Variants in PITPNM1 observed in about 807,000 individuals in gnomAD.
PITPNM1 encodes the protein phosphatidylinositol transfer protein membrane associated 1.
Under a neutral mutation model 133.3 loss-of-function variants are expected in PITPNM1, and 74 were observed. That is an observed-to-expected ratio of 0.56 (90% CI 0.46 to 0.67). The LOEUF is 0.67. PITPNM1 is among the 30% of genes least tolerant of loss of function. PITPNM1 has a pLI of 0.00. For synonymous variants in PITPNM1, 738 were observed against 741.4 expected, an observed-to-expected ratio of 1.00 and a Z score of 0.08; for missense variants, 1,398 against 1,739.5, an observed-to-expected ratio of 0.80 and a Z score of 3.49.
At chr11:67,493,329 G>A (rs879575797) in intron 22 of PITPNM1, 81 bp downstream of exon 22, 19 of 1,372,114 alleles carry the variant, frequency 1.4e-5, no homozygotes, top group Non-Finnish European at 1.7e-5. Context: ...GGGAACAGAT[G>A]GGCCTCCGCC....
intron 5 of PITPNM1, among the ~76,000 whole-genome samples, 189 bp from the exon 6 acceptor site, chr11:67,500,610 T>TC (rs1259722105): frequency 5.3e-5 from 8 of 151,872 alleles, no homozygotes; most frequent in South Asian, 2.1e-4. Context: ...CCTGCCTGAC[T>TC]CCCCCCCGCC....
rs755515846 is a variant in PITPNM1, at chr11:67,500,298, C to T, written c.764G>A (p.Arg255His). The T allele has an allele frequency of 8.7e-6, 14 of 1,610,946 alleles. No homozygotes were observed. The highest frequency in any genetic ancestry group is 1.1e-5 in the South Asian group (1 of 91,094). The change falls in exon 6 of 24, where the codon CGC becomes CAC. Residue 255 changes from arginine (R) to histidine (H), a missense_variant. By Grantham distance (29) the Arg-to-His change is conservative. This residue lies in a region of PITPNM1 where 274 missense variants were observed against 360.7 expected (regional missense o/e 0.76). Transcript: ENST00000356404. ...ACTGCCTGTGTTGCACTTGGCCATG[C>T]GCTGGGCCAGCATGCGAGCAGTCTC... ...EEETARMLAQ[R>H]MAKCNTGSEG...
Position 67,498,487 on chromosome 11 carries a change from A to G in PITPNM1, c.1484+109T>C. 6.7e-7 allele frequency: 1 copy of G among 1,496,928 alleles called. No homozygotes were observed. The highest frequency in any genetic ancestry group is 9.0e-7 in the Non-Finnish European group (1 of 1,111,306). 92.7% of individuals were successfully genotyped at this position (1,496,928 alleles called of 1,614,324 possible). A position where few individuals can be genotyped will look rare whatever the true frequency, so the allele number is the denominator to read the frequency against. On this transcript the variant is annotated intron_variant, in intron 10 of 23. Coordinates refer to ENST00000356404, the MANE Select transcript of PITPNM1 (RefSeq NM_004910.3). The surrounding 1 kb of genome is among the most constrained non-coding windows in gnomAD (Gnocchi z 5.7). ...GCCATTCTCCAGAACAGGTCCAGCC[A>G]TGCCAGTGACCGACCCAGGTGTCTG...
Position 67,491,892 on chromosome 11 carries a change from A to G in PITPNM1, c.*141T>C, listed in dbSNP as rs949149391. On this transcript the variant is annotated 3_prime_UTR_variant, in exon 24 of 24. Transcript: ENST00000356404. The stretch of plus-strand genomic sequence containing the variant: ...CTCATATGAAAGGGAAGTAACACCG[A>G]GGAGCACACGGAGATATAGGGTGTG... 1 of 921,124 alleles carries G rather than the reference A, an allele frequency of 1.1e-6. No homozygotes were observed. The allele number at this position is 921,124 out of a possible 1,614,324, so 57.1% of individuals were successfully genotyped here.
chr11:67,494,129 G>A (rs1866028585), intron 19 of PITPNM1, 59 bp from the exon 20 acceptor site: 13 of 1,588,326 alleles, frequency 8.2e-6, no homozygotes, highest in African/African-American at 1.3e-5. Context: ...GGGCAGAGGC[G>A]GGGCTGTCGT....
chr11:67,500,167 C>T lies in PITPNM1; in HGVS notation c.895G>A (p.Ala299Thr). 2 of 1,596,880 alleles carry T rather than the reference C, an allele frequency of 1.3e-6. No homozygotes were observed. Among genetic ancestry groups the T allele is most frequent in the Non-Finnish European group, 1.7e-6 (2 of 1,172,306 alleles). The change falls in exon 6 of 24, where the codon GCC becomes ACC. Residue 299 changes from alanine to threonine, a missense_variant. Physicochemically the swap from Ala to Thr is moderately conservative, Grantham distance 58 (BLOSUM62 0). This residue lies in a region of PITPNM1 where 195 missense variants were observed against 178.8 expected (regional missense o/e 1.09). Transcript: ENST00000356404. ...DGPEAPPGPD[A>T]SPDASFGKQW... ...TTCCCAAAGCTGGCATCGGGGGAGGCATCTGGGCCTGGGGGGGCCTCAGGC... is the reference window on the plus strand; with the variant it reads ...TTCCCAAAGCTGGCATCGGGGGAGGTATCTGGGCCTGGGGGGGCCTCAGGC...
At position 67,498,599 on chromosome 11, in the gene PITPNM1, G is replaced by T; in HGVS notation, c.1481C>A (p.Ser494Tyr). The T allele has an allele frequency of 6.3e-7, 1 of 1,595,518 alleles. No homozygotes were observed. The change falls in exon 10 of 24, where the codon TCC (serine) becomes TAC (tyrosine). Residue 494 changes from serine to tyrosine, a missense_variant. Coordinates refer to ENST00000356404, the MANE Select transcript of PITPNM1 (RefSeq NM_004910.3). The surrounding 1 kb of genome is among the most constrained non-coding windows in gnomAD (Gnocchi z 5.7). ...CCCTTCCACCCGTGGCTAGTACTTGGAGACAAGGGCATAGGCGGCGGCGCA... is the reference window on the plus strand; with the variant it reads ...CCCTTCCACCCGTGGCTAGTACTTGTAGACAAGGGCATAGGCGGCGGCGCA... ...PICAAAYALV[S>Y]NLSPYSHDGD...
Position 67,494,934 on chromosome 11 carries a change from T to G in PITPNM1, c.2654A>C (p.Gln885Pro). 1 of 1,612,774 alleles carries G rather than the reference T, an allele frequency of 6.2e-7. No individual in the cohort carries two copies. The highest frequency in any genetic ancestry group is 2.2e-5 in the East Asian group (1 of 44,860). ...LRQVIEKERPQLAECEEPSIY... is the reference protein window; with the variant it reads ...LRQVIEKERPPLAECEEPSIY... The stretch of plus-strand genomic sequence containing the variant: ...GGACGGCTCCTCGCATTCCGCCAGC[T>G]GTGGCCGCTCCTTCTCGATCACCTG... Residue 885 changes from glutamine (Q) to proline (P), a missense_variant, in exon 18 of 24, where the codon CAG becomes CCG. Physicochemically the swap from Gln to Pro is moderately conservative, Grantham distance 76. Transcript: ENST00000356404.
Position 67,492,162 on chromosome 11 carries a change from G to A in PITPNM1, c.3606C>T (p.Arg1202=), listed in dbSNP as rs752852750. The A allele has an allele frequency of 6.2e-7, 1 of 1,611,614 alleles. No homozygotes were observed. Among genetic ancestry groups the A allele is most frequent in the South Asian group, 1.1e-5 (1 of 91,074 alleles). The change falls in exon 24 of 24, where the codon CGC becomes CGT. Residue 1202 remains arginine (R), a synonymous_variant. Transcript: ENST00000356404. ...YGVAAPVDFL[R]KQSQLLRSRG... is the part of the protein sequence containing the mutation. ...TCGAGCGAAGCAGCTGGCTCTGTTT[G>A]CGCAGGAAGTCCACGGGGGCAGCCA...
rs773083898 is a variant in PITPNM1, at chr11:67,492,210, G to A, written c.3558C>T (p.Ala1186=). ...SHASSGPPRA[A]LGKSSYGVAA... is the part of the protein sequence containing the mutation. Reference sequence around the variant, plus strand: ...CCACACCATAGCTGCTCTTGCCCAAGGCAGCTCTCGGGGGTCCCGAGGAGG... The same window carrying A: ...CCACACCATAGCTGCTCTTGCCCAAAGCAGCTCTCGGGGGTCCCGAGGAGG... The change falls in exon 24 of 24, where the codon GCC becomes GCT. Residue 1186 remains alanine, a synonymous_variant. Coordinates refer to ENST00000356404, the MANE Select transcript of PITPNM1 (RefSeq NM_004910.3). 1.2e-5 allele frequency: 19 copies of A among 1,610,638 alleles called. No individual in the cohort carries two copies. Among genetic ancestry groups the A allele is most frequent in the Non-Finnish European group, 1.5e-5 (18 of 1,179,236 alleles).
chr11:67,496,866 A>C, intron 14 of PITPNM1: 1 of 196,406 alleles, frequency 5.1e-6, no homozygotes. Context: ...TGAACCCAGG[A>C]GGTTGCAGTG....
intron 22 of PITPNM1, 66 bp from the exon 23 acceptor site, chr11:67,493,128 T>A: frequency 1.3e-6 from 2 of 1,589,660 alleles, no homozygotes; most frequent in Non-Finnish European, 1.7e-6. Flanking sequence ...CGGGGCCTGT[T>A]GGGCTTCCCC....
intron 16 of PITPNM1, 90 bp from the exon 17 acceptor site, chr11:67,495,315 C>T: frequency 6.8e-7 from 1 of 1,474,614 alleles, no homozygotes; most frequent in South Asian, 1.4e-5. Context: ...CCCTTTTCAC[C>T]CAGCCTGCTC....
rs767881199 is a variant in PITPNM1 at position 67,496,266 on chromosome 11, C to T, written c.2229G>A (p.Leu743=). The part of the protein sequence containing the change: ...ADPCASRLEP[L]LAPKFQAIAP... ...CGATGGCCTGGAACTTCGGGGCCAGCAGGGGCTCGAGGCGTGAGGCGCAGG... is the reference window on the plus strand; with the variant it reads ...CGATGGCCTGGAACTTCGGGGCCAGTAGGGGCTCGAGGCGTGAGGCGCAGG... The change falls in exon 15 of 24, where the codon CTG becomes CTA. Residue 743 remains leucine (L), a synonymous_variant. Transcript: ENST00000356404. 11 of 1,561,064 alleles carry T rather than the reference C, an allele frequency of 7.0e-6. No homozygotes were observed. The South Asian group carries it at 7.2e-5, about 10-fold the overall frequency.
In PITPNM1 at chr11:67,498,714, G is replaced by C. The variant is rs1398138344; in HGVS notation, c.1366C>G (p.Leu456Val). Residue 456 changes from leucine (L) to valine (V), a missense_variant, in exon 10 of 24, where the codon CTG becomes GTG. Transcript: ENST00000356404. This position sits in a 1 kb window ranked among gnomAD's most constrained non-coding sequence, Gnocchi z 5.7. ...ANSKQADVQT[L>V]SSAFEAVTRI... ...GTGACGGCCTCGAAGGCGGAGCTCAGCGTCTGCACATCCGCCTGCTTGGAG... is the reference window on the plus strand; with the variant it reads ...GTGACGGCCTCGAAGGCGGAGCTCACCGTCTGCACATCCGCCTGCTTGGAG... 6.2e-7 allele frequency: 1 copy of C among 1,608,350 alleles called. No individual in the cohort carries two copies. The highest frequency in any genetic ancestry group is 8.5e-7 in the Non-Finnish European group (1 of 1,179,984).
intron 18 of PITPNM1, 28 bp from the exon 19 acceptor site, chr11:67,494,388 C>T (rs754448228): frequency 7.9e-6 from 12 of 1,518,354 alleles, no homozygotes; most frequent in Middle Eastern, 1.8e-4. Flanking sequence ...CGTGAGTCCG[C>T]GGCCAGCAAA....
chr11:67,495,070 G>C lies in PITPNM1; in HGVS notation c.2631+7C>G, dbSNP rs760981652. On this transcript the variant is annotated splice_region_variant and intron_variant, in intron 17 of 23. Transcript: ENST00000356404. ...TCTCATCTCCCATTCCATATTCCCA[G>C]GCCCACCTGGCGCAGGATGAACGCC... 28 of 1,612,202 alleles carry C rather than the reference G, an allele frequency of 1.7e-5. No homozygotes were observed. Among genetic ancestry groups the C allele is most frequent in the Non-Finnish European group, 8.5e-7 (1 of 1,179,708 alleles).
In PITPNM1 at chr11:67,497,532, A is replaced by G; in HGVS notation, c.1930T>C (p.Ser644Pro). The change falls in exon 13 of 24, where the codon TCT (serine) becomes CCT (proline). Residue 644 changes from serine to proline, a missense_variant. Around this residue, in one of 5 missense-constraint regions of PITPNM1, gnomAD observed 574 missense variants for 698.7 expected, o/e 0.82. Transcript: ENST00000356404. ...SDMASPEPEG[S>P]QNSLQAAPAT... Reference sequence around the variant, plus strand: ...GGGCAGGGACGTCACCTGTTCTGAGAGCCCTCGGGCTCAGGACTGGCCATG... The same window carrying G: ...GGGCAGGGACGTCACCTGTTCTGAGGGCCCTCGGGCTCAGGACTGGCCATG... 6.2e-7 allele frequency: 1 copy of G among 1,608,222 alleles called. No homozygotes were observed. The highest frequency in any genetic ancestry group is 8.5e-7 in the Non-Finnish European group (1 of 1,178,178).
At position 67,496,479 on chromosome 11, in the gene PITPNM1, C is replaced by G. The variant is rs542403652; in HGVS notation, c.2147-131G>C. The G allele has an allele frequency of 3.0e-3, 2,262 of 754,066 alleles. 3 individuals carry two copies. The highest frequency in any genetic ancestry group is 4.3e-3 in the Non-Finnish European group (2,102 of 489,674). The allele number at this position is 754,066 out of a possible 1,614,324, so 46.7% of individuals were successfully genotyped here. A position where few individuals can be genotyped will look rare whatever the true frequency, so the allele number is the denominator to read the frequency against. On this transcript the variant is annotated intron_variant, in intron 14 of 23. Coordinates refer to ENST00000356404, the MANE Select transcript of PITPNM1 (RefSeq NM_004910.3). ...AGCCAGCACTTCCCAAACTGCACTC[C>G]CTGGGAAGTCAGTAGGGCCCTGCTT...
Sources: allele counts gnomAD v4.1 joint callset (sites outside exome capture counted in the v4.1 genomes callset), GRCh38; gene constraint gnomAD v4.1.1; regional missense constraint gnomAD v4.1.1; non-coding constraint Gnocchi (gnomAD v3.1); transcripts MANE v1.5; gene names NCBI Gene and HGNC (gene_info 2026-07-23, HGNC 2026-07-21).